ASXL2: variants seen among roughly 807,000 people sequenced by gnomAD.
The protein encoded by ASXL2 is ASXL transcriptional regulator 2.
A neutral mutation model predicts 122.0 loss-of-function variants in ASXL2; 23 were observed. The observed-to-expected ratio is 0.19, with a 90% CI of 0.14 to 0.27. ASXL2 has a LOEUF of 0.27. Ranked by LOEUF, ASXL2 falls within the 10% of genes least tolerant of loss-of-function variation. The probability of loss-of-function intolerance (pLI) is 1.00; values close to 1 mark genes in which losing one functional copy is unlikely to be tolerated. For missense variants in ASXL2, 1,518 were observed against 1,713.8 expected (o/e 0.89, Z 2.02); for synonymous variants, 650 against 637.0 (o/e 1.02, Z -0.31).
intron 3 of ASXL2, chr2:25,822,833 T>C: frequency 1.8e-6 from 1 of 556,316 alleles, no homozygotes; most frequent in Non-Finnish European, 3.6e-6. Flanking sequence ...ATTTTGATCG[T>C]TTCTCTGAGA....
In ASXL2 at chr2:25,735,692, G is replaced by A. The variant is rs1296737822; in HGVS notation, c.*6337C>T. ...AACTTACTGACCTAAATTAACTACTGACAGAGATTGCTGTTGGCCTGCTTC... is the reference window on the plus strand; with the variant it reads ...AACTTACTGACCTAAATTAACTACTAACAGAGATTGCTGTTGGCCTGCTTC... On this transcript the variant is annotated 3_prime_UTR_variant, in exon 13 of 13. Transcript: ENST00000435504. 3 of 152,208 alleles carry A rather than the reference G, an allele frequency of 2.0e-5. No individual in the cohort carries two copies. Among genetic ancestry groups the A allele is most frequent in the Non-Finnish European group, 4.4e-5 (3 of 68,040 alleles). 9.4% of individuals were successfully genotyped at this position (152,208 alleles called of 1,614,324 possible). A position where few individuals can be genotyped will look rare whatever the true frequency, so the allele number is the denominator to read the frequency against.
At chr2:25,783,152 T>C (rs189553803) in intron 5 of ASXL2, among the ~76,000 whole-genome samples, 68 of 152,090 alleles carry the variant, frequency 4.5e-4, no homozygotes, top group African/African-American at 1.5e-3. Flanking sequence ...AAATAAAAAT[T>C]AAAAAATAAA....
intron 1 of ASXL2, among the ~76,000 whole-genome samples, chr2:25,860,298 C>T (rs1475243879): frequency 6.8e-6 from 1 of 147,654 alleles, no homozygotes; most frequent in Non-Finnish European, 1.5e-5. Context: ...GCAACAAGAG[C>T]GAAACTCCGC....
At chr2:25,864,736 A>T (rs2089879889) in intron 1 of ASXL2, among the ~76,000 whole-genome samples, 1 of 152,106 alleles carries the variant, frequency 6.6e-6, no homozygotes, top group Non-Finnish European at 1.5e-5. Flanking sequence ...TTTTATATGA[A>T]CATACACACA....
At chr2:25,873,274 A>G (rs1265744883) in intron 1 of ASXL2, among the ~76,000 whole-genome samples, 1 of 152,136 alleles carries the variant, frequency 6.6e-6, no homozygotes, top group Non-Finnish European at 1.5e-5. Context: ...TATTATAAAA[A>G]TTGGCCAGGT....
chr2:25,859,561 A>G (rs995961995), intron 1 of ASXL2, among the ~76,000 whole-genome samples: 24 of 152,338 alleles, frequency 1.6e-4, no homozygotes, highest in African/African-American at 5.5e-4. Context: ...ATGAGTTCCA[A>G]TTCTTAAAAT....
At chr2:25,825,241 A>G (rs758598202) in intron 3 of ASXL2, among the ~76,000 whole-genome samples, 2 of 152,226 alleles carry the variant, frequency 1.3e-5, no homozygotes, top group Admixed American at 6.5e-5. Context: ...ATATAACAAG[A>G]TGGCTGTTTC....
intron 1 of ASXL2, among the ~76,000 whole-genome samples, chr2:25,864,883 G>A (rs1364448339): frequency 2.0e-5 from 3 of 151,086 alleles, no homozygotes; most frequent in Non-Finnish European, 4.4e-5. Flanking sequence ...CCAGGCTGCA[G>A]TACAATAGCG....
intron 1 of ASXL2, among the ~76,000 whole-genome samples, chr2:25,847,042 T>C (rs1355169705): frequency 6.6e-6 from 1 of 152,256 alleles, no homozygotes; most frequent in Admixed American, 6.5e-5. Context: ...GTATATTTCA[T>C]GTATGTTTTA....
intron 2 of ASXL2, among the ~76,000 whole-genome samples, chr2:25,843,906 G>C (rs1364071829): frequency 6.6e-6 from 1 of 151,606 alleles, no homozygotes; most frequent in Admixed American, 6.6e-5. Context: ...GAAATACACT[G>C]TCTATTTACA....
At chr2:25,872,884 T>G (rs1024877899) in intron 1 of ASXL2, among the ~76,000 whole-genome samples, 2 of 151,524 alleles carry the variant, frequency 1.3e-5, no homozygotes, top group Admixed American at 6.6e-5. Context: ...TCAGGAGAAT[T>G]TTTTTTTTCC....
At position 25,873,893 on chromosome 2, in the gene ASXL2, A is replaced by C. The variant is rs975510470; in HGVS notation, c.57+4273T>G. Among the ~76,000 whole-genome samples, 14 of 152,292 alleles carry C rather than the reference A, an allele frequency of 9.2e-5. No individual in the cohort carries two copies. In the South Asian group the frequency reaches 1.2e-3, roughly 14 times the overall value. On this transcript the variant is annotated intron_variant, in intron 1 of 12. Coordinates refer to ENST00000435504, the MANE Select transcript of ASXL2 (RefSeq NM_018263.6). Reference sequence around the variant, plus strand: ...CTCTTTCACCTTTTAATGCTTTTCTAGCCATGGGTAAGGAAAGAAAAGTCA... The same window carrying C: ...CTCTTTCACCTTTTAATGCTTTTCTCGCCATGGGTAAGGAAAGAAAAGTCA...
At chr2:25,811,055 T>TACACACACACAC (rs34006530) in intron 3 of ASXL2, among the ~76,000 whole-genome samples, 2,855 of 116,376 alleles carry the variant, frequency 0.025, 63 homozygotes, top group Middle Eastern at 0.042. Context: ...AATACAAAAA[T>TACACACACACAC]ACACACACAC....
intron 5 of ASXL2, among the ~76,000 whole-genome samples, chr2:25,772,232 A>G (rs937504791): frequency 3.3e-5 from 5 of 152,184 alleles, no homozygotes; most frequent in Non-Finnish European, 7.3e-5. Flanking sequence ...AAAATTAAAC[A>G]ATATGTGAGT....
chr2:25,857,061 G>A (rs1418337423), intron 1 of ASXL2: 1 of 131,306 alleles, frequency 7.6e-6, no homozygotes. Flanking sequence ...TCATCATTGT[G>A]TTATTGGCTG....
chr2:25,858,285 T>C (rs2089803913), intron 1 of ASXL2, among the ~76,000 whole-genome samples: 1 of 152,096 alleles, frequency 6.6e-6, no homozygotes, highest in Admixed American at 6.6e-5. Context: ...TTATCCTATA[T>C]AGCGAAAGCC....
intron 4 of ASXL2, among the ~76,000 whole-genome samples, chr2:25,804,586 C>G (rs1385028249): frequency 1.3e-5 from 2 of 152,192 alleles, no homozygotes; most frequent in Admixed American, 6.5e-5. Context: ...AGACACCAAA[C>G]CCTGATGATG....
At chr2:25,822,862 G>T in intron 3 of ASXL2, 1 of 552,526 alleles carries the variant, frequency 1.8e-6, no homozygotes, top group Non-Finnish European at 3.7e-6. Flanking sequence ...AACATGGGTG[G>T]TGAAGAGGAT....
At chr2:25,774,373 A>G (rs894098109) in intron 5 of ASXL2, among the ~76,000 whole-genome samples, 1 of 152,192 alleles carries the variant, frequency 6.6e-6, no homozygotes, top group East Asian at 1.9e-4. Flanking sequence ...GCCCACAGCT[A>G]TCTTTTTGTG....
Sources: allele counts gnomAD v4.1 joint callset (sites outside exome capture counted in the v4.1 genomes callset), GRCh38; gene constraint gnomAD v4.1.1; transcripts MANE v1.5; gene names NCBI Gene and HGNC (gene_info 2026-07-23, HGNC 2026-07-21).